Variants in MACROD2 observed in about 807,000 individuals in gnomAD.
The protein encoded by MACROD2 is mono-ADP ribosylhydrolase 2, also known as ADP-ribose glycohydrolase MACROD2.
Under a neutral mutation model 70.4 loss-of-function variants are expected in MACROD2, and 36 were observed. The observed-to-expected ratio is 0.51, with a 90% CI of 0.39 to 0.68. The LOEUF is 0.68. Ranked by LOEUF, MACROD2 falls within the 30% of genes least tolerant of loss-of-function variation. The pLI is 0.00. For synonymous variants in MACROD2, 172 were observed against 178.8 expected (o/e 0.96, Z 0.30); for missense variants, 496 against 538.4 (o/e 0.92, Z 0.78).
chr20:14,231,685 T>C (rs1366711184), intron 3 of MACROD2, among the ~76,000 whole-genome samples: 1 of 152,230 alleles, frequency 6.6e-6, no homozygotes, highest in Admixed American at 6.5e-5. Context: ...AAATGGTCTT[T>C]CTAGTTCTAG....
At chr20:15,308,214 A>T (rs900503174) in intron 6 of MACROD2, among the ~76,000 whole-genome samples, 5 of 152,226 alleles carry the variant, frequency 3.3e-5, no homozygotes, top group African/African-American at 1.2e-4. Context: ...CCTGTTTGTC[A>T]TCAAACTTTT....
chr20:15,751,171 A>C (rs530514857), intron 8 of MACROD2, among the ~76,000 whole-genome samples: 93 of 152,184 alleles, frequency 6.1e-4, no homozygotes, highest in African/African-American at 2.2e-3. Context: ...TGAATACGTG[A>C]GGTGATGGTC....
chr20:15,760,384 G>T (rs2143550), intron 8 of MACROD2, among the ~76,000 whole-genome samples: 152,080 of 152,310 alleles, frequency 1, 75,925 homozygotes, highest in Middle Eastern at 1. Flanking sequence ...CTGCTATGTT[G>T]AGAAGTGCAG....
chr20:15,929,207 G>T (rs1022987794), intron 10 of MACROD2, among the ~76,000 whole-genome samples: 1 of 152,142 alleles, frequency 6.6e-6, no homozygotes, highest in Non-Finnish European at 1.5e-5. Flanking sequence ...GTTCAAACTT[G>T]CTCCATGTAT....
intron 4 of MACROD2, among the ~76,000 whole-genome samples, chr20:14,510,312 T>G (rs758926955): frequency 6.8e-6 from 1 of 146,260 alleles, no homozygotes; most frequent in Non-Finnish European, 1.5e-5. Context: ...TCAGAATATG[T>G]TGTGTAATTC....
intron 8 of MACROD2, chr20:15,552,829 A>G (rs2048117528): frequency 6.6e-6 from 1 of 152,182 alleles, no homozygotes; most frequent in South Asian, 2.1e-4. Flanking sequence ...AAAAAATCTG[A>G]GCCTCAGTTG....
At chr20:14,661,185 T>C (rs546492729) in intron 4 of MACROD2, among the ~76,000 whole-genome samples, 1 of 151,984 alleles carries the variant, frequency 6.6e-6, no homozygotes, top group Admixed American at 6.6e-5. Context: ...GTAAGTGTTC[T>C]GTTTTCTCTG....
At chr20:14,215,220 A>T (rs2081608398) in intron 3 of MACROD2, among the ~76,000 whole-genome samples, 2 of 145,266 alleles carry the variant, frequency 1.4e-5, no homozygotes, top group Non-Finnish European at 3.0e-5. Context: ...TCATATATAT[A>T]TTTTCCATCA....
intron 10 of MACROD2, among the ~76,000 whole-genome samples, chr20:15,926,395 G>A (rs971285193): frequency 1.3e-5 from 2 of 152,142 alleles, no homozygotes; most frequent in Non-Finnish European, 2.9e-5. Context: ...AGGTACTTAG[G>A]AAACATTGTT....
chr20:15,617,582 G>A lies in MACROD2; in HGVS notation c.645+117735G>A, dbSNP rs144172400. ...GGTGAACATAAGTTTTCAGATTGGG[G>A]GAAAATGCAAAGTATACACATCCCA... On this transcript the variant is annotated intron_variant, in intron 8 of 17. Transcript: ENST00000684519. 2.0e-5 allele frequency among the ~76,000 whole-genome samples: 3 copies of A among 152,280 alleles called. No individual in the cohort carries two copies. The East Asian group carries it at 5.8e-4, about 29-fold the overall frequency.
At chr20:14,835,988 G>T (rs910853701) in intron 5 of MACROD2, among the ~76,000 whole-genome samples, 10 of 152,084 alleles carry the variant, frequency 6.6e-5, no homozygotes, top group African/African-American at 2.4e-4. Flanking sequence ...ATTTTACCAC[G>T]TCCTTTTTGA....
At chr20:14,818,528 G>C (rs1353909587) in intron 5 of MACROD2, among the ~76,000 whole-genome samples, 1 of 151,976 alleles carries the variant, frequency 6.6e-6, no homozygotes, top group African/African-American at 2.4e-5. Flanking sequence ...GAAACATTCA[G>C]ATGATTTCAA....
chr20:15,953,129 T>A (rs1296399117), intron 12 of MACROD2, among the ~76,000 whole-genome samples: 1 of 152,078 alleles, frequency 6.6e-6, no homozygotes, highest in Non-Finnish European at 1.5e-5. Flanking sequence ...AAACACCGCA[T>A]GTTTTCACTC....
chr20:15,160,538 T>C (rs1046807702), intron 5 of MACROD2, among the ~76,000 whole-genome samples: 4 of 152,118 alleles, frequency 2.6e-5, no homozygotes, highest in Non-Finnish European at 4.4e-5. Flanking sequence ...CTATGAATCA[T>C]TTATTTATTC....
chr20:15,045,245 C>T (rs202124243), intron 5 of MACROD2, among the ~76,000 whole-genome samples: 216 of 152,288 alleles, frequency 1.4e-3, no homozygotes, highest in African/African-American at 4.5e-3. Context: ...CACAGCTTCA[C>T]GCAGCTAAAT....
intron 5 of MACROD2, among the ~76,000 whole-genome samples, chr20:14,901,112 G>A (rs2073889899): frequency 6.6e-6 from 1 of 151,884 alleles, no homozygotes; most frequent in Admixed American, 6.6e-5. Flanking sequence ...TTCATATTTT[G>A]AGTTTCATTT....
chr20:15,197,960 C>CTTTTTT (rs56284199), intron 5 of MACROD2, among the ~76,000 whole-genome samples: 9 of 118,694 alleles, frequency 7.6e-5, no homozygotes, highest in Admixed American at 2.0e-4. Context: ...GCCTGGCCTC[C>CTTTTTT]TTTTTTTTTT....
rs575552945 is a variant in MACROD2 at position 15,118,426 on chromosome 20, C to T, written c.419-111514C>T. Among the ~76,000 whole-genome samples, 105 of 152,100 alleles carry T rather than the reference C, an allele frequency of 6.9e-4. No homozygotes were observed. In the Middle Eastern group the frequency reaches 0.01, roughly 15 times the overall value. ...CAGGATGGTCTTGATCTCTTGACCT[C>T]ATGATCCGCCCGCCTTGGCCTCCCA... On this transcript the variant is annotated intron_variant, in intron 5 of 17. Transcript: ENST00000684519.
chr20:14,239,679 C>G (rs1177377218), intron 3 of MACROD2, among the ~76,000 whole-genome samples: 1 of 152,132 alleles, frequency 6.6e-6, no homozygotes. Context: ...ATACAAAAAT[C>G]AACTCAAGAT....
Sources: allele counts gnomAD v4.1 joint callset (sites outside exome capture counted in the v4.1 genomes callset), GRCh38; gene constraint gnomAD v4.1.1; transcripts MANE v1.5; gene names NCBI Gene and HGNC (gene_info 2026-07-23, HGNC 2026-07-21).